Variants in ATRX observed in about 807,000 individuals in gnomAD.
The protein encoded by ATRX is chromatin remodeler ATRX.
ATRX carries 12 observed loss-of-function variants against 172.6 expected under a neutral mutation model. That is an observed-to-expected ratio of 0.07 (90% CI 0.04 to 0.11). The LOEUF is 0.11. Ranked by LOEUF, ATRX falls within the 10% of genes least tolerant of loss-of-function variation. ATRX has a pLI of 1.00. For synonymous variants in ATRX, 674 were observed against 594.7 expected (o/e 1.13, Z -1.94); for missense variants, 1,368 against 1,767.4 (o/e 0.77, Z 4.05).
At chrX:77,629,420 C>T (rs1453756435) in intron 19 of ATRX, among the ~76,000 whole-genome samples, 2 of 112,221 alleles carry the variant, frequency 1.8e-5, no homozygotes, top group African/African-American at 6.5e-5. Context: ...GATACTATCA[C>T]TAAACCTTAA....
intron 30 of ATRX, among the ~76,000 whole-genome samples, chrX:77,542,467 C>T (rs782518012): frequency 1.8e-5 from 2 of 111,860 alleles, no homozygotes; most frequent in Non-Finnish European, 1.9e-5. Context: ...GAAAAAACTA[C>T]TCTAAACTTC....
intron 27 of ATRX, among the ~76,000 whole-genome samples, chrX:77,585,958 T>C (rs2066004380): frequency 9.0e-6 from 1 of 111,237 alleles, no homozygotes; most frequent in Non-Finnish European, 1.9e-5. Flanking sequence ...CTCATGGAGA[T>C]ACAGAGTAGA....
rs111725949 is a variant in ATRX at position 77,663,467 on chromosome X, C to G, written c.4035G>C (p.Leu1345Phe). 1.7e-6 allele frequency: 2 copies of G among 1,209,472 alleles called. No homozygotes were observed. Among genetic ancestry groups the G allele is most frequent in the African/African-American group, 3.5e-5 (2 of 57,230 alleles). ...RYRHRLLRHK[L>F]TVSDGESGEE... ...CTCCAGATTCTCCGTCACTCACAGT[C>G]AATTTGTGCCGCAAAAGCCTATGTC... is the stretch of plus-strand genomic sequence containing the variant. The change falls in exon 12 of 35, where the codon TTG becomes TTC. Residue 1345 changes from leucine (L) to phenylalanine (F), a missense_variant. By Grantham distance (22) the Leu-to-Phe change is conservative. Coordinates refer to ENST00000373344, the MANE Select transcript of ATRX (RefSeq NM_000489.6).
In ATRX at chrX:77,682,644, G is replaced by A. The variant is rs1470540200; in HGVS notation, c.2612C>T (p.Ser871Leu). 8.3e-7 allele frequency: 1 copy of A among 1,209,427 alleles called. No homozygotes were observed. Residue 871 changes from serine to leucine, a missense_variant, in exon 9 of 35, where the codon TCA (serine) becomes TTA (leucine). Around this residue, in one of 17 missense-constraint regions of ATRX, gnomAD observed 843 missense variants for 643.1 expected, o/e 1.31. Transcript: ENST00000373344. ...DNQGHKNLKTSQEGSSDDAER... is the reference protein window; with the variant it reads ...DNQGHKNLKTLQEGSSDDAER... Reference sequence around the variant, plus strand: ...AGCATCATCAGATGATCCTTCTTGTGAGGTCTTCAAATTTTTGTGCCCTTG... The same window carrying A: ...AGCATCATCAGATGATCCTTCTTGTAAGGTCTTCAAATTTTTGTGCCCTTG...
At chrX:77,749,148 C>T (rs781828810) in intron 1 of ATRX, among the ~76,000 whole-genome samples, 24 of 111,067 alleles carry the variant, frequency 2.2e-4, no homozygotes, top group African/African-American at 7.5e-4. Flanking sequence ...GTCTATTATT[C>T]TACTCTATTC....
chrX:77,523,213 T>C, intron 31 of ATRX, 39 bp downstream of exon 31: 1 of 1,203,830 alleles, frequency 8.3e-7, no homozygotes, highest in Non-Finnish European at 1.1e-6. Context: ...TTCAAATCAC[T>C]AACATAACAA....
At position 77,524,154 on chromosome X, in the gene ATRX, A is replaced by C. The variant is rs782804996; in HGVS notation, c.6700-753T>G. Among the ~76,000 whole-genome samples the C allele has an allele frequency of 5.4e-5, 6 of 111,837 alleles. No individual in the cohort carries two copies. The South Asian group carries it at 2.2e-3, about 41-fold the overall frequency. On this transcript the variant is annotated intron_variant, in intron 30 of 34. Coordinates refer to ENST00000373344, the MANE Select transcript of ATRX (RefSeq NM_000489.6). ...TTATGACTGTGAGAGTGAGACACAA[A>C]GATAGATGGGGTGGGGGTTTAAAGT...
Position 77,523,221 on chromosome X carries a change from C to A in ATRX, c.6849+31G>T, listed in dbSNP as rs184484318. On this transcript the variant is annotated intron_variant, in intron 31 of 34. Transcript: ENST00000373344. ...TTGCTCTTTCAAATCACTAACATAA[C>A]AAAAACAAAAACACATTTTGCATCA... 3.8e-3 allele frequency: 4,565 copies of A among 1,205,820 alleles called. 9 individuals are homozygous for A. Among genetic ancestry groups the A allele is most frequent in the Non-Finnish European group, 4.5e-3 (4,008 of 893,005 alleles).
At chrX:77,631,991 T>TC (rs2148330457) in intron 19 of ATRX, among the ~76,000 whole-genome samples, 1 of 110,859 alleles carries the variant, frequency 9.0e-6, no homozygotes, top group East Asian at 2.8e-4. Flanking sequence ...GAAAAGTTTT[T>TC]TTTTGTTTTT....
intron 1 of ATRX, among the ~76,000 whole-genome samples, chrX:77,778,912 G>C: frequency 9.2e-6 from 1 of 108,869 alleles, no homozygotes. Flanking sequence ...CCAAGGACTA[G>C]ATTCAAATGC....
At chrX:77,761,219 A>G (rs1478778849) in intron 1 of ATRX, among the ~76,000 whole-genome samples, 1 of 111,676 alleles carries the variant, frequency 9.0e-6, no homozygotes, top group Non-Finnish European at 1.9e-5. Flanking sequence ...AAATTTTTAA[A>G]GGCATTCTTC....
intron 1 of ATRX, among the ~76,000 whole-genome samples, chrX:77,779,601 T>C (rs990739519): frequency 8.9e-6 from 1 of 111,770 alleles, no homozygotes; most frequent in Non-Finnish European, 1.9e-5. Flanking sequence ...TAGCACTGCT[T>C]TCTAATTGCT....
chrX:77,766,466 A>G (rs190254454), intron 1 of ATRX, among the ~76,000 whole-genome samples: 1 of 97,361 alleles, frequency 1.0e-5, no homozygotes. Flanking sequence ...TTCTCAGACG[A>G]GGCGGTTGCC....
chrX:77,537,564 G>T (rs1351301077), intron 30 of ATRX, among the ~76,000 whole-genome samples: 5 of 111,028 alleles, frequency 4.5e-5, no homozygotes, highest in Non-Finnish European at 9.4e-5. Flanking sequence ...GCCTGGCATG[G>T]TGGTGCACGC....
In ATRX at chrX:77,538,230, A is replaced by AACACACAC. The variant is rs34675782; in HGVS notation, c.6700-14837_6700-14830dup. On this transcript the variant is annotated intron_variant, in intron 30 of 34. Coordinates refer to ENST00000373344, the MANE Select transcript of ATRX (RefSeq NM_000489.6). The stretch of plus-strand genomic sequence containing the variant: ...AAGGAAATGTGTGTATACACACACA[A>AACACACAC]ACACACACACACACACACACACACA... Among the ~76,000 whole-genome samples, 627 of 95,980 alleles carry AACACACAC rather than the reference A, an allele frequency of 6.5e-3. 8 individuals are homozygous for AACACACAC. Among genetic ancestry groups the AACACACAC allele is most frequent in the African/African-American group, 0.018 (483 of 26,141 alleles). 83.3% of individuals were successfully genotyped at this position (95,980 alleles called of 115,157 possible). A position where few individuals can be genotyped will look rare whatever the true frequency, so the allele number is the denominator to read the frequency against.
At chrX:77,527,373 G>A (rs1297224518) in intron 30 of ATRX, among the ~76,000 whole-genome samples, 1 of 111,983 alleles carries the variant, frequency 8.9e-6, no homozygotes, top group Non-Finnish European at 1.9e-5. Context: ...GCCCATCCAG[G>A]AGCCACGTGG....
Position 77,636,970 on chromosome X carries a change from AAAG to A in ATRX, c.4558-917_4558-915del, listed in dbSNP as rs782803600. Among the ~76,000 whole-genome samples, 515 of 99,169 alleles carry A rather than the reference AAAG, an allele frequency of 5.2e-3. 2 individuals carry two copies. Among genetic ancestry groups the A allele is most frequent in the African/African-American group, 0.018 (458 of 25,280 alleles). The allele number at this position is 99,169 out of a possible 115,157, so 86.1% of individuals were successfully genotyped here. On this transcript the variant is annotated intron_variant, in intron 15 of 34. Transcript: ENST00000373344. Reference sequence around the variant, plus strand: ...AGAAGGAGGAAGGAGGAGGAAGAAAAAAGAAGAAGGAAGAAGAAGGAAGGAGGA... The same window carrying A: ...AGAAGGAGGAAGGAGGAGGAAGAAAAAAGAAGGAAGAAGAAGGAAGGAGGA...
chrX:77,604,832 A>G (rs1406846226), intron 22 of ATRX, among the ~76,000 whole-genome samples: 1 of 112,319 alleles, frequency 8.9e-6, no homozygotes, highest in African/African-American at 3.2e-5. Flanking sequence ...AAAAGAACAA[A>G]AGCATGTCTT....
chrX:77,505,411 TTAAAA>T lies in ATRX; in HGVS notation c.*2935_*2939del, dbSNP rs201988178. ...GTGTGGGTTGGTAGCCCTGCTTGAC[TTAAAA>T]TGAGTGTTACAGCTGTTGGGAAACA... On this transcript the variant is annotated 3_prime_UTR_variant, in exon 35 of 35. Transcript: ENST00000373344. The T allele has an allele frequency of 2.3e-3, 395 of 172,628 alleles. No homozygotes were observed. The highest frequency in any genetic ancestry group is 0.011 in the African/African-American group (373 of 33,783). The allele number at this position is 172,628 out of a possible 1,213,427, so 14.2% of individuals were successfully genotyped here.
Sources: gnomAD v4.1 joint callset for allele counts (sites outside exome capture counted in the v4.1 genomes callset) on GRCh38, gnomAD v4.1.1 for gene constraint, gnomAD v4.1.1 regional missense constraint, MANE v1.5 for transcripts, NCBI Gene and HGNC (gene_info 2026-07-23, HGNC 2026-07-21) for gene names.